The following KIF16B variants were observed in gnomAD, a reference collection of about 807,000 sequenced individuals.
KIF16B encodes the protein kinesin family member 16B.
Under a neutral mutation model 156.3 loss-of-function variants are expected in KIF16B, and 98 were observed. The ratio of observed to expected loss-of-function variants is 0.63; its 90% CI spans 0.53 to 0.74. KIF16B has a LOEUF of 0.74. Among genes scored for constraint, KIF16B ranks in the 30% least tolerant of loss-of-function variants. The pLI, the probability that KIF16B is intolerant of heterozygous loss-of-function variation, is 0.00. For synonymous variants in KIF16B, 564 were observed against 583.7 expected, an observed-to-expected ratio of 0.97 and a Z score of 0.49; for missense variants, 1,421 against 1,606.5, an observed-to-expected ratio of 0.88 and a Z score of 1.97.
At chr20:16,460,340 G>C (rs1461822779) in intron 12 of KIF16B, among the ~76,000 whole-genome samples, 4 of 152,282 alleles carry the variant, frequency 2.6e-5, no homozygotes, top group Admixed American at 2.6e-4. Flanking sequence ...CAGCACTTTG[G>C]GAGGCCAAGG....
At chr20:16,378,428 AAG>A (rs1244115089) in intron 19 of KIF16B, among the ~76,000 whole-genome samples, 4 of 151,934 alleles carry the variant, frequency 2.6e-5, no homozygotes, top group Admixed American at 6.6e-5. Flanking sequence ...AGAAAGGGGA[AAG>A]AGAGGGAGAC....
intron 24 of KIF16B, among the ~76,000 whole-genome samples, chr20:16,322,160 CA>C (rs1200187361): frequency 1.3e-5 from 2 of 151,820 alleles, no homozygotes; most frequent in Non-Finnish European, 2.9e-5. Context: ...ATTCAAAAGA[CA>C]AAAGACAAAA....
intron 23 of KIF16B, among the ~76,000 whole-genome samples, chr20:16,338,683 C>T (rs1190102454): frequency 1.3e-5 from 2 of 152,192 alleles, no homozygotes; most frequent in Non-Finnish European, 2.9e-5. Flanking sequence ...TGCTCACTCC[C>T]TGCCTGCACC....
At chr20:16,573,114 G>A in intron 1 of KIF16B, 115 bp downstream of exon 1, 1 of 1,048,870 alleles carries the variant, frequency 9.5e-7, no homozygotes, top group East Asian at 2.6e-5. Flanking sequence ...GGCCCGGTGG[G>A]CCAGGGACCA....
rs1418502785 is a variant in KIF16B, at chr20:16,505,865, A to G, written c.869-12T>C. 6.2e-7 allele frequency: 1 copy of G among 1,613,184 alleles called. No individual in the cohort carries two copies. Among genetic ancestry groups the G allele is most frequent in the Admixed American group, 1.7e-5 (1 of 59,810 alleles). The stretch of plus-strand genomic sequence containing the variant: ...CTGAGATAAATCAGCTATGAAAAGG[A>G]AGAAACAAAGGGGAGAAAGGACAAT... On this transcript the variant is annotated splice_polypyrimidine_tract_variant and intron_variant, in intron 8 of 25. Coordinates refer to ENST00000354981, the MANE Select transcript of KIF16B (RefSeq NM_024704.5).
chr20:16,341,681 T>C (rs989229960), intron 23 of KIF16B, among the ~76,000 whole-genome samples: 1 of 152,240 alleles, frequency 6.6e-6, no homozygotes, highest in African/African-American at 2.4e-5. Context: ...GAAATGCATG[T>C]TCTGAGGTCT....
At chr20:16,556,602 C>A (rs920525920) in intron 1 of KIF16B, among the ~76,000 whole-genome samples, 1 of 152,260 alleles carries the variant, frequency 6.6e-6, no homozygotes, top group Non-Finnish European at 1.5e-5. Flanking sequence ...TCCAATGGCC[C>A]TACCACACTT....
chr20:16,333,517 A>G (rs2063985100), intron 24 of KIF16B, among the ~76,000 whole-genome samples: 1 of 152,184 alleles, frequency 6.6e-6, no homozygotes, highest in Admixed American at 6.5e-5. Flanking sequence ...GAATGACACC[A>G]ACTTGATTTT....
intron 12 of KIF16B, among the ~76,000 whole-genome samples, chr20:16,442,787 T>C (rs1043228817): frequency 4.7e-4 from 72 of 152,076 alleles, no homozygotes; most frequent in Admixed American, 3.3e-3. Context: ...TCTTAGCCAG[T>C]TGAGGAGCCA....
At chr20:16,443,296 G>A (rs199939839) in intron 12 of KIF16B, among the ~76,000 whole-genome samples, 2 of 152,260 alleles carry the variant, frequency 1.3e-5, no homozygotes, top group East Asian at 3.9e-4. Flanking sequence ...ATATGTCAAA[G>A]AAAACACTGG....
intron 15 of KIF16B, among the ~76,000 whole-genome samples, chr20:16,421,198 T>C (rs1001937342): frequency 7.2e-5 from 11 of 152,084 alleles, no homozygotes; most frequent in Non-Finnish European, 1.0e-4. Context: ...TGCTAAAAAA[T>C]TTACTTAAAA....
At chr20:16,425,648 G>C (rs768512893) in intron 15 of KIF16B, among the ~76,000 whole-genome samples, 2 of 152,112 alleles carry the variant, frequency 1.3e-5, no homozygotes, top group Non-Finnish European at 2.9e-5. Flanking sequence ...CCCCAGTGGG[G>C]AGGCCTGGCA....
chr20:16,445,011 C>G (rs2066894914), intron 12 of KIF16B, among the ~76,000 whole-genome samples: 1 of 152,116 alleles, frequency 6.6e-6, no homozygotes, highest in Non-Finnish European at 1.5e-5. Context: ...CATGCATTTA[C>G]TATAGATTGT....
At chr20:16,434,713 A>G (rs1248509856) in intron 12 of KIF16B, among the ~76,000 whole-genome samples, 2 of 151,180 alleles carry the variant, frequency 1.3e-5, no homozygotes, top group African/African-American at 4.9e-5. Context: ...TTCTATAGGG[A>G]GTGATTTCTA....
chr20:16,525,772 T>C (rs769301499), intron 3 of KIF16B, among the ~76,000 whole-genome samples: 2 of 152,232 alleles, frequency 1.3e-5, no homozygotes, highest in Non-Finnish European at 2.9e-5. Flanking sequence ...CTTCGCAGCA[T>C]ACACATGTCT....
intron 15 of KIF16B, among the ~76,000 whole-genome samples, chr20:16,412,872 G>T (rs2065993548): frequency 6.6e-6 from 1 of 151,930 alleles, no homozygotes; most frequent in African/African-American, 2.4e-5. Flanking sequence ...AAACTGAAGG[G>T]CATAAAGAGG....
At chr20:16,423,207 G>A (rs1049624524) in intron 15 of KIF16B, among the ~76,000 whole-genome samples, 1 of 151,954 alleles carries the variant, frequency 6.6e-6, no homozygotes, top group Admixed American at 6.6e-5. Context: ...GAACCCAGGT[G>A]TATTAAACAA....
intron 1 of KIF16B, among the ~76,000 whole-genome samples, chr20:16,546,488 CA>C (rs374238845): frequency 1.3e-5 from 2 of 152,164 alleles, no homozygotes; most frequent in Non-Finnish European, 2.9e-5. Flanking sequence ...ACAAAACCAA[CA>C]AAATGATCTC....
intron 20 of KIF16B, among the ~76,000 whole-genome samples, chr20:16,372,090 C>T (rs911945305): frequency 3.3e-5 from 5 of 152,262 alleles, no homozygotes; most frequent in South Asian, 2.1e-4. Context: ...GAAGGCTCTG[C>T]GGTCTCTAAT....
Sources: gnomAD v4.1 joint callset for allele counts (sites outside exome capture counted in the v4.1 genomes callset) on GRCh38, gnomAD v4.1.1 for gene constraint, MANE v1.5 for transcripts, NCBI Gene and HGNC (gene_info 2026-07-23, HGNC 2026-07-21) for gene names.